Variants in STXBP5L observed in about 807,000 individuals in gnomAD.
STXBP5L encodes syntaxin binding protein 5L.
In STXBP5L, 65 loss-of-function variants were observed where a neutral mutation model predicts 144.5. The observed-to-expected ratio is 0.45, with a 90% CI of 0.37 to 0.55. The LOEUF (loss-of-function observed/expected upper bound fraction) is 0.55. Among genes scored for constraint, STXBP5L ranks in the 20% least tolerant of loss-of-function variants. The pLI is 0.00. For synonymous variants in STXBP5L, 505 were observed against 469.6 expected (o/e 1.08, Z -0.97); for missense variants, 1,298 against 1,405.5 (o/e 0.92, Z 1.22).
chr3:121,054,358 T>C (rs1948283992), intron 5 of STXBP5L, among the ~76,000 whole-genome samples: 1 of 151,938 alleles, frequency 6.6e-6, no homozygotes, highest in Admixed American at 6.6e-5. Flanking sequence ...CCAACAACGA[T>C]AGACTGGATG....
At chr3:121,005,693 C>G (rs1271350412) in intron 3 of STXBP5L, among the ~76,000 whole-genome samples, 2 of 152,138 alleles carry the variant, frequency 1.3e-5, no homozygotes, top group African/African-American at 2.4e-5. Flanking sequence ...GCGTTTAGTG[C>G]TATAAATTTC....
chr3:120,965,590 G>T (rs1395648166), intron 3 of STXBP5L, among the ~76,000 whole-genome samples: 1 of 152,188 alleles, frequency 6.6e-6, no homozygotes, highest in Non-Finnish European at 1.5e-5. Context: ...CTGTAAGAAT[G>T]TTGGATATTG....
At chr3:121,091,672 T>C (rs1390876128) in intron 5 of STXBP5L, among the ~76,000 whole-genome samples, 1 of 152,234 alleles carries the variant, frequency 6.6e-6, no homozygotes. Flanking sequence ...ATTCTGGATA[T>C]TAGCCCTTTG....
At chr3:120,991,448 A>T (rs923746295) in intron 3 of STXBP5L, among the ~76,000 whole-genome samples, 2 of 152,068 alleles carry the variant, frequency 1.3e-5, no homozygotes, top group Admixed American at 1.3e-4. Context: ...CTAGAACTAG[A>T]AATACCATTT....
intron 23 of STXBP5L, among the ~76,000 whole-genome samples, chr3:121,409,313 C>T (rs1052950652): frequency 6.6e-6 from 1 of 151,728 alleles, no homozygotes; most frequent in Non-Finnish European, 1.5e-5. Flanking sequence ...AATTGTATAA[C>T]TTCATTAAAT....
At chr3:121,076,394 G>T (rs1225894586) in intron 5 of STXBP5L, among the ~76,000 whole-genome samples, 11 of 152,094 alleles carry the variant, frequency 7.2e-5, no homozygotes, top group African/African-American at 1.4e-4. Flanking sequence ...CTGTAAGATG[G>T]TTTTTTTCTG....
At chr3:121,050,764 G>T (rs1947909536) in intron 5 of STXBP5L, among the ~76,000 whole-genome samples, 1 of 152,112 alleles carries the variant, frequency 6.6e-6, no homozygotes, top group Non-Finnish European at 1.5e-5. Context: ...TGGACTAAAT[G>T]CTCCAATTAA....
intron 5 of STXBP5L, among the ~76,000 whole-genome samples, chr3:121,048,538 C>A (rs763478390): frequency 6.6e-6 from 1 of 152,028 alleles, no homozygotes; most frequent in Non-Finnish European, 1.5e-5. Flanking sequence ...GTGTTTTGTT[C>A]ATTTTCTTTC....
rs1157401761 is a variant in STXBP5L, at chr3:121,407,169, A to G, written c.2588-74A>G. The G allele has an allele frequency of 2.0e-6, 3 of 1,493,070 alleles. No homozygotes were observed. The South Asian group carries it at 4.2e-5, about 21-fold the overall frequency. The allele number at this position is 1,493,070 out of a possible 1,614,324, so 92.5% of individuals were successfully genotyped here. On this transcript the variant is annotated intron_variant, in intron 22 of 26. Coordinates refer to ENST00000471454, the MANE Select transcript of STXBP5L (RefSeq NM_001308330.2). Reference sequence around the variant, plus strand: ...GACTCTATAGGTATAAATTATCACAATGTAAAACTTTAATTCCCTATAGAT... The same window carrying G: ...GACTCTATAGGTATAAATTATCACAGTGTAAAACTTTAATTCCCTATAGAT...
intron 3 of STXBP5L, among the ~76,000 whole-genome samples, chr3:121,004,494 A>C (rs1359786810): frequency 6.6e-6 from 1 of 151,788 alleles, no homozygotes; most frequent in Non-Finnish European, 1.5e-5. Context: ...TGTCGTCTGC[A>C]AACAGGGACA....
chr3:121,072,140 T>A (rs1358905675), intron 5 of STXBP5L, among the ~76,000 whole-genome samples: 1 of 152,242 alleles, frequency 6.6e-6, no homozygotes, highest in Non-Finnish European at 1.5e-5. Flanking sequence ...AGTTCAAATT[T>A]AGGAATAATG....
chr3:121,259,467 G>T (rs913947436), intron 18 of STXBP5L, among the ~76,000 whole-genome samples: 2 of 151,608 alleles, frequency 1.3e-5, no homozygotes, highest in East Asian at 1.9e-4. Flanking sequence ...TTTCATTTTG[G>T]ATACTTTCTT....
At chr3:121,106,353 A>T (rs1257589340) in intron 5 of STXBP5L, among the ~76,000 whole-genome samples, 1 of 152,126 alleles carries the variant, frequency 6.6e-6, no homozygotes, top group Admixed American at 6.6e-5. Context: ...AACCCATCAC[A>T]TCGGTATTGA....
chr3:121,175,168 A>T (rs2046883930), intron 9 of STXBP5L, among the ~76,000 whole-genome samples: 1 of 152,152 alleles, frequency 6.6e-6, no homozygotes, highest in Non-Finnish European at 1.5e-5. Context: ...ACAACTGGAC[A>T]AACTGTAGGA....
Position 121,205,913 on chromosome 3 carries a change from T to C in STXBP5L, c.878-10T>C, listed in dbSNP as rs747221332. ...TAAATTAGATTCAATTAAATATTTT[T>C]TTTCTTTAGGAAAAAGTCAAAGAGA... is the stretch of plus-strand genomic sequence containing the variant. On this transcript the variant is annotated splice_polypyrimidine_tract_variant and intron_variant, in intron 9 of 26. Transcript: ENST00000471454. The C allele has an allele frequency of 7.2e-7, 1 of 1,386,774 alleles. No homozygotes were observed. Among genetic ancestry groups the C allele is most frequent in the Admixed American group, 2.6e-5 (1 of 39,212 alleles). 85.9% of individuals were successfully genotyped at this position (1,386,774 alleles called of 1,614,324 possible). A position where few individuals can be genotyped will look rare whatever the true frequency, so the allele number is the denominator to read the frequency against.
rs567025525 is a variant in STXBP5L, at chr3:121,335,475, A to T, written c.2176+16935A>T. 2.6e-5 allele frequency among the ~76,000 whole-genome samples: 4 copies of T among 152,304 alleles called. No homozygotes were observed. In the East Asian group the frequency reaches 7.7e-4, roughly 29 times the overall value. On this transcript the variant is annotated intron_variant, in intron 20 of 26. Transcript: ENST00000471454. ...TTTAAAATTGATATGGAACCAAAAA[A>T]GAGCCCAAATAACCAAGGCAATTTT...
At chr3:121,366,036 GTGT>G (rs2108648736) in intron 20 of STXBP5L, among the ~76,000 whole-genome samples, 1 of 151,930 alleles carries the variant, frequency 6.6e-6, no homozygotes, top group East Asian at 1.9e-4. Flanking sequence ...GGTTAAGAGA[GTGT>G]TGTTTAATTT....
chr3:121,105,632 G>C (rs1451542649), intron 5 of STXBP5L, among the ~76,000 whole-genome samples: 1 of 152,004 alleles, frequency 6.6e-6, no homozygotes, highest in African/African-American at 2.4e-5. Context: ...CAACCACTCT[G>C]GTAAACAGTA....
intron 5 of STXBP5L, among the ~76,000 whole-genome samples, chr3:121,110,780 C>T (rs1487406191): frequency 6.6e-6 from 1 of 152,110 alleles, no homozygotes; most frequent in Non-Finnish European, 1.5e-5. Context: ...GCCTCTCTTG[C>T]TAGGTTAGGG....
Sources: gnomAD v4.1 joint callset for allele counts (sites outside exome capture counted in the v4.1 genomes callset) on GRCh38, gnomAD v4.1.1 for gene constraint, MANE v1.5 for transcripts, NCBI Gene and HGNC (gene_info 2026-07-23, HGNC 2026-07-21) for gene names.